Variants in NRXN3 observed in about 807,000 individuals in gnomAD.
NRXN3 encodes neurexin 3.
A neutral mutation model predicts 137.6 loss-of-function variants in NRXN3; 32 were observed. That is an observed-to-expected ratio of 0.23 (90% CI 0.18 to 0.31). The LOEUF is 0.31. Ranked by LOEUF, NRXN3 falls within the 10% of genes least tolerant of loss-of-function variation. The probability of loss-of-function intolerance (pLI) is 1.00; values close to 1 mark genes in which losing one functional copy is unlikely to be tolerated. For missense variants in NRXN3, 1,574 were observed against 2,062.5 expected, an observed-to-expected ratio of 0.76 and a Z score of 4.59; for synonymous variants, 798 against 784.5, an observed-to-expected ratio of 1.02 and a Z score of -0.29.
chr14:78,188,721 T>G (rs2060454640), intron 1 of NRXN3, among the ~76,000 whole-genome samples: 1 of 152,186 alleles, frequency 6.6e-6, no homozygotes, highest in Non-Finnish European at 1.5e-5. Flanking sequence ...GAGTTCTGTG[T>G]GTGCAAACTT....
In NRXN3 at chr14:78,616,034, C is replaced by T. The variant is rs577186496; in HGVS notation, c.758-29086C>T. Among the ~76,000 whole-genome samples, 11 of 152,290 alleles carry T rather than the reference C, an allele frequency of 7.2e-5. No homozygotes were observed. In the East Asian group the frequency reaches 7.7e-4, roughly 11 times the overall value. On this transcript the variant is annotated intron_variant, in intron 4 of 20. Transcript: ENST00000335750. ...CATCTCTACTGTCACTATCCAAGTC[C>T]GTGCCGCCATCACTCATCACCTGCA...
At chr14:78,865,674 A>G (rs554930915) in intron 10 of NRXN3, among the ~76,000 whole-genome samples, 6 of 152,204 alleles carry the variant, frequency 3.9e-5, no homozygotes, top group Non-Finnish European at 8.8e-5. Context: ...AAATACTCCT[A>G]GCATAAAATT....
intron 4 of NRXN3, among the ~76,000 whole-genome samples, chr14:78,558,817 C>T (rs1403894187): frequency 6.6e-6 from 1 of 152,170 alleles, no homozygotes; most frequent in East Asian, 1.9e-4. Context: ...ACCATTTGCT[C>T]ATTGCTTACT....
At chr14:79,425,488 A>G (rs755417988) in intron 15 of NRXN3, among the ~76,000 whole-genome samples, 2 of 152,126 alleles carry the variant, frequency 1.3e-5, no homozygotes, top group Admixed American at 6.5e-5. Context: ...TTATTTTTCT[A>G]TCAGTCAGAT....
intron 15 of NRXN3, among the ~76,000 whole-genome samples, chr14:78,991,558 A>G (rs779116960): frequency 4.6e-5 from 7 of 152,218 alleles, no homozygotes; most frequent in Non-Finnish European, 1.0e-4. Context: ...ATGAACATGA[A>G]AACACTTCAG....
chr14:79,434,968 G>A (rs994157564), intron 15 of NRXN3, among the ~76,000 whole-genome samples: 1 of 152,140 alleles, frequency 6.6e-6, no homozygotes, highest in East Asian at 1.9e-4. Context: ...GAGGTTTGGT[G>A]CAAGTTGTCC....
intron 17 of NRXN3, among the ~76,000 whole-genome samples, chr14:79,677,057 A>G (rs1181064477): frequency 1.3e-5 from 2 of 152,124 alleles, no homozygotes; most frequent in Admixed American, 6.6e-5. Flanking sequence ...AGCATCCTTG[A>G]CAAGCATTAA....
intron 8 of NRXN3, among the ~76,000 whole-genome samples, chr14:78,798,633 C>T (rs1003882025): frequency 6.6e-6 from 1 of 152,212 alleles, no homozygotes; most frequent in Non-Finnish European, 1.5e-5. Context: ...GGGGCTCACA[C>T]CCCACATTTC....
At chr14:79,458,288 C>G (rs1319098557) in intron 15 of NRXN3, among the ~76,000 whole-genome samples, 4 of 152,090 alleles carry the variant, frequency 2.6e-5, no homozygotes, top group Non-Finnish European at 5.9e-5. Context: ...ATTCAAATGT[C>G]TTTGTGGTTA....
intron 11 of NRXN3, among the ~76,000 whole-genome samples, chr14:78,960,316 T>A (rs1283703495): frequency 6.6e-6 from 1 of 152,160 alleles, no homozygotes; most frequent in African/African-American, 2.4e-5. Context: ...TAATTTTAGT[T>A]CACAGAAGTC....
At position 79,140,611 on chromosome 14, in the gene NRXN3, G is replaced by GTGTA. The variant is rs61515475; in HGVS notation, c.3262+152470_3262+152471insTGTA. 2.7e-5 allele frequency among the ~76,000 whole-genome samples: 4 copies of GTGTA among 146,680 alleles called. No individual in the cohort carries two copies. The South Asian group carries it at 6.7e-4, about 25-fold the overall frequency. On this transcript the variant is annotated intron_variant, in intron 15 of 20. Transcript: ENST00000335750. ...TGTGTGTGTGTGTGTGTGTGTGTGT[G>GTGTA]AAGTTAAATGATCTTTAATAGTGGT...
intron 8 of NRXN3, among the ~76,000 whole-genome samples, chr14:78,730,858 T>C (rs1301249009): frequency 6.6e-6 from 1 of 152,232 alleles, no homozygotes; most frequent in East Asian, 1.9e-4. Context: ...AGCCCCTCTC[T>C]GTCTAACATT....
intron 11 of NRXN3, among the ~76,000 whole-genome samples, chr14:78,965,287 G>A (rs1032643973): frequency 6.6e-6 from 1 of 152,134 alleles, no homozygotes; most frequent in Non-Finnish European, 1.5e-5. Context: ...AGATTCTCAG[G>A]CCTCACCCCA....
intron 15 of NRXN3, among the ~76,000 whole-genome samples, chr14:79,049,619 T>G (rs2099639012): frequency 6.6e-6 from 1 of 152,132 alleles, no homozygotes; most frequent in Admixed American, 6.5e-5. Flanking sequence ...TTTCAGAAGG[T>G]TTTTAATTTA....
chr14:79,120,887 T>C (rs567791634), intron 15 of NRXN3, among the ~76,000 whole-genome samples: 2 of 152,290 alleles, frequency 1.3e-5, no homozygotes, highest in African/African-American at 4.8e-5. Context: ...TTGCTTTTTG[T>C]GTCCATACTT....
chr14:78,888,864 C>CACACACACACACACAT (rs1172897404), intron 10 of NRXN3, among the ~76,000 whole-genome samples: 1 of 151,822 alleles, frequency 6.6e-6, no homozygotes, highest in African/African-American at 2.4e-5. Context: ...CACACACACA[C>CACACACACACACACAT]ACACACACCC....
chr14:78,715,140 G>T lies in NRXN3; in HGVS notation c.2044+1G>T. 6.2e-7 allele frequency: 1 copy of T among 1,604,706 alleles called. No individual in the cohort carries two copies. ...TACTGGGGAAGAACCTGCGAAAGGG[G>T]TGAGTCGGCCTAGAGGATGGCAAGT... On this transcript the variant is annotated splice_donor_variant, in intron 8 of 20. Transcript: ENST00000335750. LOFTEE classifies it high-confidence loss of function.
intron 15 of NRXN3, among the ~76,000 whole-genome samples, chr14:79,255,824 A>C (rs2076497308): frequency 6.6e-6 from 1 of 152,204 alleles, no homozygotes; most frequent in Non-Finnish European, 1.5e-5. Flanking sequence ...GTCTCTGCTC[A>C]TAAGCTGATT....
At chr14:79,262,388 A>T (rs558013135) in intron 15 of NRXN3, among the ~76,000 whole-genome samples, 3 of 151,766 alleles carry the variant, frequency 2.0e-5, no homozygotes, top group East Asian at 3.9e-4. Flanking sequence ...AAGAGGGAGA[A>T]GGAAGAAGAA....
Sources: gnomAD v4.1 joint callset for allele counts (sites outside exome capture counted in the v4.1 genomes callset) on GRCh38, gnomAD v4.1.1 for gene constraint, MANE v1.5 for transcripts, NCBI Gene and HGNC (gene_info 2026-07-23, HGNC 2026-07-21) for gene names.